LARP1B: variants seen among roughly 807,000 people sequenced by gnomAD.
The protein encoded by LARP1B is la-related protein 1B.
In LARP1B, 76 loss-of-function variants were observed where a neutral mutation model predicts 114.2. That is an observed-to-expected ratio of 0.67 (90% CI 0.55 to 0.81). The LOEUF (loss-of-function observed/expected upper bound fraction) is 0.81, where lower values mean the gene tolerates loss of function less well. LARP1B is among the 30% of genes least tolerant of loss of function. The pLI is 0.00. For missense variants in LARP1B, 1,014 were observed against 1,075.8 expected, an observed-to-expected ratio of 0.94 and a Z score of 0.80; for synonymous variants, 345 against 348.0, an observed-to-expected ratio of 0.99 and a Z score of 0.10.
intron 5 of LARP1B, among the ~76,000 whole-genome samples, chr4:128,083,633 ACCTCCCTCCCGG>A (rs1771727599): frequency 1.2e-5 from 1 of 80,014 alleles, no homozygotes; most frequent in African/African-American, 4.8e-5. Flanking sequence ...TGACCCCCCC[ACCTCCCTCCCGG>A]ACGGGGCGGC....
At chr4:128,188,031 G>T (rs1243139638) in intron 15 of LARP1B, among the ~76,000 whole-genome samples, 1 of 151,822 alleles carries the variant, frequency 6.6e-6, no homozygotes, top group Non-Finnish European at 1.5e-5. Flanking sequence ...ACAGAACCAT[G>T]AGCCAATTAA....
chr4:128,174,773 C>T (rs1410098721), intron 12 of LARP1B, among the ~76,000 whole-genome samples: 1 of 151,978 alleles, frequency 6.6e-6, no homozygotes, highest in Non-Finnish European at 1.5e-5. Context: ...ATCATTTCTC[C>T]TGGAAATACT....
At chr4:128,116,247 G>A (rs1207957011) in intron 10 of LARP1B, among the ~76,000 whole-genome samples, 1 of 152,310 alleles carries the variant, frequency 6.6e-6, no homozygotes, top group Middle Eastern at 3.4e-3. Context: ...ACAAATGAGT[G>A]CAAGTAAAAC....
At chr4:128,155,989 T>A in intron 11 of LARP1B, 1 of 1,544,122 alleles carries the variant, frequency 6.5e-7, no homozygotes, top group Non-Finnish European at 8.8e-7. Flanking sequence ...CCCTGTACCT[T>A]GTATCTCCCT....
intron 11 of LARP1B, among the ~76,000 whole-genome samples, chr4:128,151,130 C>T (rs981293656): frequency 6.6e-6 from 1 of 152,136 alleles, no homozygotes; most frequent in African/African-American, 2.4e-5. Flanking sequence ...TGGCAAACAT[C>T]TTACCATATT....
At chr4:128,090,024 C>T (rs1382668687) in intron 5 of LARP1B, among the ~76,000 whole-genome samples, 1 of 150,682 alleles carries the variant, frequency 6.6e-6, no homozygotes, top group Non-Finnish European at 1.5e-5. Context: ...TTGCCTGTCT[C>T]AGCCTACCAA....
chr4:128,177,147 AG>A (rs751545688), intron 13 of LARP1B, among the ~76,000 whole-genome samples: 1 of 152,226 alleles, frequency 6.6e-6, no homozygotes, highest in Non-Finnish European at 1.5e-5. Flanking sequence ...CTTATTCTAG[AG>A]GCAAATGGGA....
intron 11 of LARP1B, among the ~76,000 whole-genome samples, chr4:128,146,452 G>A (rs1182081443): frequency 6.6e-6 from 1 of 152,092 alleles, no homozygotes; most frequent in Non-Finnish European, 1.5e-5. Context: ...AAGTAAAGAA[G>A]TTTTAAAAGT....
At chr4:128,082,467 C>T (rs566406866) in intron 5 of LARP1B, among the ~76,000 whole-genome samples, 162 bp downstream of exon 5, 3 of 152,238 alleles carry the variant, frequency 2.0e-5, no homozygotes, top group Non-Finnish European at 4.4e-5. Flanking sequence ...ACAATATAAC[C>T]GTAATGCAAT....
At chr4:128,215,772 G>A (rs1759441173), downstream of LARP1B, among the ~76,000 whole-genome samples, 1 of 266 alleles carries the variant, frequency 3.8e-3, no homozygotes, top group Non-Finnish European at 0.019. Flanking sequence ...CATAATGACA[G>A]GATCAAATTC....
At chr4:128,096,762 G>A (rs971455839) in intron 7 of LARP1B, among the ~76,000 whole-genome samples, 8 of 151,118 alleles carry the variant, frequency 5.3e-5, no homozygotes, top group Non-Finnish European at 1.2e-4. Context: ...CACCACACCC[G>A]GCTAATTTTT....
In LARP1B at chr4:128,064,222, A is replaced by G. The variant is rs373533736; in HGVS notation, c.-78+2821A>G. 8.9e-5 allele frequency among the ~76,000 whole-genome samples: 13 copies of G among 145,792 alleles called. No individual in the cohort carries two copies. In the East Asian group the frequency reaches 2.1e-3, roughly 23 times the overall value. ...GGGAGACGGAGGTTGCAGTGAGCCA[A>G]GACTGAGCCACTGTATTCCAGCCTG... On this transcript the variant is annotated intron_variant, in intron 1 of 19. Coordinates refer to ENST00000326639, the MANE Select transcript of LARP1B (RefSeq NM_018078.4).
intron 9 of LARP1B, chr4:128,107,625 A>T (rs1421385501): frequency 7.1e-7 from 1 of 1,405,274 alleles, no homozygotes; most frequent in African/African-American, 1.5e-5. Flanking sequence ...TCCCCTGTAA[A>T]ATTGGAATAG....
chr4:128,203,496 C>T (rs928613741), intron 17 of LARP1B, among the ~76,000 whole-genome samples: 2 of 152,040 alleles, frequency 1.3e-5, no homozygotes, highest in African/African-American at 2.4e-5. Flanking sequence ...GCCTCAGCCT[C>T]GTAAGTAGCT....
At chr4:128,075,980 A>T (rs1185682881) in intron 3 of LARP1B, among the ~76,000 whole-genome samples, 2 of 152,124 alleles carry the variant, frequency 1.3e-5, no homozygotes, top group African/African-American at 4.8e-5. Flanking sequence ...CGCTTTTCAG[A>T]TAACCTAATT....
intron 11 of LARP1B, 164 bp downstream of exon 11, chr4:128,122,352 G>A: frequency 6.9e-7 from 1 of 1,457,068 alleles, no homozygotes; most frequent in Non-Finnish European, 9.0e-7. Context: ...ATTACCACCT[G>A]AGGAATCGTT....
intron 5 of LARP1B, among the ~76,000 whole-genome samples, chr4:128,082,982 T>C (rs555351352): frequency 6.6e-6 from 1 of 151,968 alleles, no homozygotes; most frequent in African/African-American, 2.4e-5. Flanking sequence ...AGTGTTTGTG[T>C]CCCTGGGTAC....
chr4:128,171,244 T>G (rs1743565154), intron 12 of LARP1B, among the ~76,000 whole-genome samples: 1 of 152,032 alleles, frequency 6.6e-6, no homozygotes, highest in Admixed American at 6.6e-5. Context: ...TCCTACCACC[T>G]CAGCCTCCCG....
intron 9 of LARP1B, among the ~76,000 whole-genome samples, chr4:128,112,695 A>T (rs1784532778): frequency 6.6e-6 from 1 of 151,808 alleles, no homozygotes; most frequent in Non-Finnish European, 1.5e-5. Flanking sequence ...GCTGGTCTCC[A>T]ACTCCTGACC....
Sources: allele counts gnomAD v4.1 joint callset (sites outside exome capture counted in the v4.1 genomes callset), GRCh38; gene constraint gnomAD v4.1.1; transcripts MANE v1.5; gene names NCBI Gene and HGNC (gene_info 2026-07-23, HGNC 2026-07-21).